GPR139: variants seen among roughly 807,000 people sequenced by gnomAD.
GPR139 encodes the protein probable G protein-coupled receptor 139.
GPR139 carries 12 observed loss-of-function variants against 25.8 expected under a neutral mutation model. The observed-to-expected ratio is 0.47, with a 90% CI of 0.30 to 0.75. The LOEUF is 0.75. Among genes scored for constraint, GPR139 ranks in the 30% least tolerant of loss-of-function variants. The pLI is 0.07. For synonymous variants in GPR139, 184 were observed against 179.9 expected (o/e 1.02, Z -0.18); for missense variants, 380 against 450.2 (o/e 0.84, Z 1.41).
In GPR139 at chr16:20,073,358, T is replaced by C; in HGVS notation, c.127+132A>G. 3.8e-6 allele frequency: 5 copies of C among 1,310,926 alleles called. No homozygotes were observed. Among genetic ancestry groups the C allele is most frequent in the South Asian group, 1.4e-5 (1 of 73,590 alleles). 81.2% of individuals were successfully genotyped at this position (1,310,926 alleles called of 1,614,324 possible). A position where few individuals can be genotyped will look rare whatever the true frequency, so the allele number is the denominator to read the frequency against. Reference sequence around the variant, plus strand: ...CTTTCCCCCCGTGTGGAAATATCCATAGTTGCCCTTAAAGCTTAAACTTTT... The same window carrying C: ...CTTTCCCCCCGTGTGGAAATATCCACAGTTGCCCTTAAAGCTTAAACTTTT... On this transcript the variant is annotated intron_variant, in intron 1 of 1. Transcript: ENST00000570682. The surrounding 1 kb of genome is among the most constrained non-coding windows in gnomAD (Gnocchi z 4.7).
At chr16:20,038,369 G>GTGTA (rs4028367) in intron 1 of GPR139, among the ~76,000 whole-genome samples, 8,687 of 133,032 alleles carry the variant, frequency 0.065, 359 homozygotes, top group Non-Finnish European at 0.091. Flanking sequence ...GTGTGTGTGT[G>GTGTA]TATTCTATAG....
intron 1 of GPR139, among the ~76,000 whole-genome samples, chr16:20,049,099 A>G (rs1001104385): frequency 1.3e-5 from 2 of 152,066 alleles, no homozygotes; most frequent in African/African-American, 4.8e-5. Flanking sequence ...TCACCCATTC[A>G]CTGGGAGCCC....
At chr16:20,058,011 T>C (rs1596469865) in intron 1 of GPR139, among the ~76,000 whole-genome samples, 1 of 152,312 alleles carries the variant, frequency 6.6e-6, no homozygotes, top group African/African-American at 2.4e-5. Context: ...AACCTGGTCC[T>C]TGATAATGCA....
intron 1 of GPR139, among the ~76,000 whole-genome samples, chr16:20,072,033 CAG>C (rs969905690): frequency 7.9e-5 from 12 of 152,140 alleles, no homozygotes; most frequent in Admixed American, 1.3e-4. Flanking sequence ...TTTCCCAAAA[CAG>C]TGCTCTGGGG....
At chr16:20,064,280 C>T (rs965682983) in intron 1 of GPR139, among the ~76,000 whole-genome samples, 1 of 152,172 alleles carries the variant, frequency 6.6e-6, no homozygotes, top group South Asian at 2.1e-4. Context: ...ACTGCTTATA[C>T]CTGTAATCCC....
Position 20,036,157 on chromosome 16 carries a change from C to A in GPR139, c.128-3488G>T, listed in dbSNP as rs185303500. 2.7e-3 allele frequency among the ~76,000 whole-genome samples: 408 copies of A among 152,206 alleles called. 4 individuals are homozygous for A. Among genetic ancestry groups the A allele is most frequent in the Non-Finnish European group, 4.4e-3 (299 of 68,010 alleles). On this transcript the variant is annotated intron_variant, in intron 1 of 1. Coordinates refer to ENST00000570682, the MANE Select transcript of GPR139 (RefSeq NM_001002911.4). ...AGAAGGACAAAACTTTGGTGAAGGG[C>A]CCTGATTAAAGGCTTGGTTTCCAAT...
chr16:20,049,220 A>G (rs773513935), intron 1 of GPR139, among the ~76,000 whole-genome samples: 11 of 152,136 alleles, frequency 7.2e-5, no homozygotes, highest in Non-Finnish European at 1.2e-4. Flanking sequence ...TGATGGATGG[A>G]TGGATGAACG....
chr16:20,044,500 T>A (rs1215246242), intron 1 of GPR139, among the ~76,000 whole-genome samples: 1 of 152,004 alleles, frequency 6.6e-6, no homozygotes, highest in Non-Finnish European at 1.5e-5. Context: ...CTAGGGAAGA[T>A]GAGTAGGAGT....
At chr16:20,048,500 G>A (rs114780609) in intron 1 of GPR139, among the ~76,000 whole-genome samples, 2,652 of 152,294 alleles carry the variant, frequency 0.017, 80 homozygotes, top group African/African-American at 0.059. Context: ...ATGGCACCGC[G>A]TTAGATTTTG....
intron 1 of GPR139, among the ~76,000 whole-genome samples, chr16:20,034,869 A>T (rs1192030721): frequency 2.6e-5 from 4 of 152,038 alleles, no homozygotes; most frequent in African/African-American, 7.2e-5. Context: ...TTATTTATTT[A>T]TAATTTATTA....
At chr16:20,057,193 G>A (rs912584589) in intron 1 of GPR139, among the ~76,000 whole-genome samples, 13 of 152,294 alleles carry the variant, frequency 8.5e-5, no homozygotes, top group South Asian at 8.3e-4. Context: ...CAGGCCGGTC[G>A]CATCTCAGCT....
intron 1 of GPR139, among the ~76,000 whole-genome samples, chr16:20,048,607 C>T (rs2057361676): frequency 6.6e-6 from 1 of 152,202 alleles, no homozygotes; most frequent in Admixed American, 6.5e-5. Flanking sequence ...TGCCCCATTG[C>T]AGGAGGGTGG....
chr16:20,055,504 A>G (rs2057385818), intron 1 of GPR139, among the ~76,000 whole-genome samples: 1 of 152,242 alleles, frequency 6.6e-6, no homozygotes, highest in Non-Finnish European at 1.5e-5. Context: ...TGTAAAAAAC[A>G]GAGCTCAAAC....
At chr16:20,060,570 T>G (rs1362175040) in intron 1 of GPR139, among the ~76,000 whole-genome samples, 4 of 152,154 alleles carry the variant, frequency 2.6e-5, no homozygotes, top group Admixed American at 2.6e-4. Flanking sequence ...TGTCTGTGGC[T>G]GAAAAGCAAT....
In GPR139 at chr16:20,033,118, C is replaced by T. The variant is rs182323227; in HGVS notation, c.128-449G>A. On this transcript the variant is annotated intron_variant, in intron 1 of 1. Transcript: ENST00000570682. ...AAGCTGGGGCTCTGAGAGCCTCACA[C>T]AACCGTGGGAGGTGGTGTTGCCATT... is the stretch of plus-strand genomic sequence containing the variant. Among the ~76,000 whole-genome samples the T allele has an allele frequency of 1.9e-3, 282 of 151,542 alleles. 2 individuals carry two copies. The highest frequency in any genetic ancestry group is 6.6e-3 in the African/African-American group (271 of 41,260).
At chr16:20,053,793 A>C (rs1308942301) in intron 1 of GPR139, among the ~76,000 whole-genome samples, 1 of 151,300 alleles carries the variant, frequency 6.6e-6, no homozygotes, top group South Asian at 2.1e-4. Context: ...ATAAGCATTC[A>C]TAGATGAAGA....
chr16:20,057,136 GTC>G lies in GPR139; in HGVS notation c.127+16352_127+16353del, dbSNP rs1239740399. Among the ~76,000 whole-genome samples the G allele has an allele frequency of 5.3e-5, 8 of 152,182 alleles. No individual in the cohort carries two copies. In the South Asian group the frequency reaches 6.2e-4, roughly 12 times the overall value. ...CTTGTCCTGTGCCCTGAATACCAAT[GTC>G]TGCAGTGGGCCCAATGGCAAGCACA... On this transcript the variant is annotated intron_variant, in intron 1 of 1. Coordinates refer to ENST00000570682, the MANE Select transcript of GPR139 (RefSeq NM_001002911.4).
chr16:20,073,888 T>C lies in GPR139; in HGVS notation c.-272A>G. The C allele has an allele frequency of 2.5e-6, 1 of 394,516 alleles. No individual in the cohort carries two copies. The highest frequency in any genetic ancestry group is 4.5e-6 in the Non-Finnish European group (1 of 222,526). The allele number at this position is 394,516 out of a possible 1,614,324, so 24.4% of individuals were successfully genotyped here. Reference sequence around the variant, plus strand: ...TCGGGAGGGGCTCCCGGAGCCCGTCTGTGCGCCTCCCACCTCGGACCCGCT... The same window carrying C: ...TCGGGAGGGGCTCCCGGAGCCCGTCCGTGCGCCTCCCACCTCGGACCCGCT... On this transcript the variant is annotated 5_prime_UTR_variant, in exon 1 of 2. Transcript: ENST00000570682. The surrounding 1 kb of genome is among the most constrained non-coding windows in gnomAD (Gnocchi z 4.7).
rs2057287061 is a variant in GPR139, at chr16:20,031,346, C to T, written c.*389G>A. ...TCTCGGAAGAAGAGTGCAGGCTCAG[C>T]TATGTGCTACTGGGGCTTGGTAAGT... On this transcript the variant is annotated 3_prime_UTR_variant, in exon 2 of 2. Coordinates refer to ENST00000570682, the MANE Select transcript of GPR139 (RefSeq NM_001002911.4). 4.5e-6 allele frequency: 1 copy of T among 222,468 alleles called. No homozygotes were observed. Among genetic ancestry groups the T allele is most frequent in the African/African-American group, 2.3e-5 (1 of 43,754 alleles). 13.8% of individuals were successfully genotyped at this position (222,468 alleles called of 1,614,324 possible).
Sources: gnomAD v4.1 joint callset for allele counts (sites outside exome capture counted in the v4.1 genomes callset) on GRCh38, gnomAD v4.1.1 for gene constraint, Gnocchi (gnomAD v3.1) non-coding constraint, MANE v1.5 for transcripts, NCBI Gene and HGNC (gene_info 2026-07-23, HGNC 2026-07-21) for gene names.